Variants in CEP128 observed in about 807,000 individuals in gnomAD.
CEP128 encodes the protein centrosomal protein 128, also known as centrosomal protein 128kDa.
Under a neutral mutation model 156.7 loss-of-function variants are expected in CEP128, and 132 were observed. The ratio of observed to expected loss-of-function variants is 0.84; its 90% CI spans 0.73 to 0.97. The LOEUF (loss-of-function observed/expected upper bound fraction) is 0.97, where lower values mean the gene tolerates loss of function less well. Among genes scored for constraint, CEP128 ranks in the 50% least tolerant of loss-of-function variants. The pLI, the probability that CEP128 is intolerant of heterozygous loss-of-function variation, is 0.00. For missense variants in CEP128, 1,252 were observed against 1,281.9 expected (o/e 0.98, Z 0.36); for synonymous variants, 469 against 448.9 (o/e 1.04, Z -0.57).
At chr14:80,513,484 C>A (rs1003299746) in intron 23 of CEP128, among the ~76,000 whole-genome samples, 1 of 152,006 alleles carries the variant, frequency 6.6e-6, no homozygotes, top group Non-Finnish European at 1.5e-5. Flanking sequence ...ATAACCTTCC[C>A]GTACTTAAAT....
rs73340517 is a variant in CEP128, at chr14:80,741,930, T to C, written c.2806+1145A>G. 7.5e-3 allele frequency among the ~76,000 whole-genome samples: 1,141 copies of C among 152,298 alleles called. 15 individuals carry two copies. Among genetic ancestry groups the C allele is most frequent in the African/African-American group, 0.025 (1,047 of 41,576 alleles). Reference sequence around the variant, plus strand: ...ATCTTTCTTCCTCGTATTTTCCTTATGGAAATCTTGCTTTGTTTTTAAGAT... The same window carrying C: ...ATCTTTCTTCCTCGTATTTTCCTTACGGAAATCTTGCTTTGTTTTTAAGAT... On this transcript the variant is annotated intron_variant, in intron 19 of 24. Coordinates refer to ENST00000555265, the MANE Select transcript of CEP128 (RefSeq NM_152446.5).
chr14:80,853,067 T>C (rs1176789824), intron 9 of CEP128, among the ~76,000 whole-genome samples: 2 of 151,834 alleles, frequency 1.3e-5, no homozygotes, highest in African/African-American at 4.8e-5. Flanking sequence ...ATCTGATAAA[T>C]TTCACAACCC....
At chr14:80,525,155 T>C (rs1888920874) in intron 23 of CEP128, among the ~76,000 whole-genome samples, 1 of 152,226 alleles carries the variant, frequency 6.6e-6, no homozygotes, top group Admixed American at 6.5e-5. Context: ...AAGAGGCATG[T>C]ACTATGTTTA....
chr14:80,780,844 CA>C (rs1412506170), intron 15 of CEP128, among the ~76,000 whole-genome samples: 6 of 152,142 alleles, frequency 3.9e-5, no homozygotes, highest in African/African-American at 1.4e-4. Flanking sequence ...TAAGAGGATA[CA>C]AAATAGCTTA....
Position 80,666,001 on chromosome 14 carries a change from G to C in CEP128, c.2806+77074C>G, listed in dbSNP as rs142203114. Reference sequence around the variant, plus strand: ...AGAGAGAAGAGAAAATTACCTTTGAGGTATGAGTAATTCCAGGGCTTTTCC... The same window carrying C: ...AGAGAGAAGAGAAAATTACCTTTGACGTATGAGTAATTCCAGGGCTTTTCC... On this transcript the variant is annotated intron_variant, in intron 19 of 24. Coordinates refer to ENST00000555265, the MANE Select transcript of CEP128 (RefSeq NM_152446.5). Among the ~76,000 whole-genome samples, 969 of 152,234 alleles carry C rather than the reference G, an allele frequency of 6.4e-3. 9 individuals carry two copies. Among genetic ancestry groups the C allele is most frequent in the Non-Finnish European group, 9.6e-3 (654 of 68,008 alleles).
chr14:80,656,024 C>T (rs1019878352), intron 19 of CEP128, among the ~76,000 whole-genome samples: 2 of 151,614 alleles, frequency 1.3e-5, no homozygotes, highest in Non-Finnish European at 1.5e-5. Context: ...GTCAGCTTTA[C>T]TAAACATCCT....
At chr14:80,866,712 G>A (rs1306265292) in intron 8 of CEP128, among the ~76,000 whole-genome samples, 1 of 152,008 alleles carries the variant, frequency 6.6e-6, no homozygotes, top group Non-Finnish European at 1.5e-5. Flanking sequence ...AAGGCCATAA[G>A]GATCATAAAT....
chr14:80,811,647 TTGTGTGTGTATG>T (rs1566643499), intron 13 of CEP128, among the ~76,000 whole-genome samples: 2 of 150,290 alleles, frequency 1.3e-5, no homozygotes, highest in Admixed American at 1.3e-4. Flanking sequence ...GTTTGTGTGT[TTGTGTGTGTATG>T]TGTGTGTGTA....
chr14:80,637,895 A>G (rs1894254824), intron 19 of CEP128, among the ~76,000 whole-genome samples: 1 of 152,200 alleles, frequency 6.6e-6, no homozygotes, highest in Admixed American at 6.5e-5. Context: ...AAGTCAAGAA[A>G]TGCCAGCAGT....
At chr14:80,856,757 G>T (rs1222122150) in intron 9 of CEP128, among the ~76,000 whole-genome samples, 11 of 123,450 alleles carry the variant, frequency 8.9e-5, no homozygotes, top group Non-Finnish European at 1.4e-4. Context: ...TTGAGACAGG[G>T]TCTCAATCTG....
At position 80,701,944 on chromosome 14, in the gene CEP128, TAC is replaced by T. The variant is rs544461426; in HGVS notation, c.2806+41129_2806+41130del. On this transcript the variant is annotated intron_variant, in intron 19 of 24. Coordinates refer to ENST00000555265, the MANE Select transcript of CEP128 (RefSeq NM_152446.5). Reference sequence around the variant, plus strand: ...CTCTTCTCCAAGATGTGCACATGAATACATTCTGGTGCTCACATTCTTTCATT... The same window carrying T: ...CTCTTCTCCAAGATGTGCACATGAATATTCTGGTGCTCACATTCTTTCATT... Among the ~76,000 whole-genome samples the T allele has an allele frequency of 1.8e-3, 272 of 152,308 alleles. 2 individuals are homozygous for T. Among genetic ancestry groups the T allele is most frequent in the African/African-American group, 6.3e-3 (264 of 41,580 alleles).
intron 19 of CEP128, among the ~76,000 whole-genome samples, chr14:80,686,161 A>T (rs1896515262): frequency 6.6e-6 from 1 of 152,056 alleles, no homozygotes; most frequent in Non-Finnish European, 1.5e-5. Context: ...TTAAACAGAC[A>T]ATCTATAGAA....
At chr14:80,531,356 G>A (rs1486320735) in intron 21 of CEP128, among the ~76,000 whole-genome samples, 1 of 152,096 alleles carries the variant, frequency 6.6e-6, no homozygotes, top group Non-Finnish European at 1.5e-5. Context: ...CAGTTAAAAG[G>A]GAAAGAGGAG....
Position 80,916,577 on chromosome 14 carries a change from T to G in CEP128, c.-15-15A>C, listed in dbSNP as rs372855235. 2 of 1,589,532 alleles carry G rather than the reference T, an allele frequency of 1.3e-6. No individual in the cohort carries two copies. The highest frequency in any genetic ancestry group is 1.7e-6 in the Non-Finnish European group (2 of 1,163,974). On this transcript the variant is annotated splice_polypyrimidine_tract_variant and intron_variant, in intron 2 of 24. Transcript: ENST00000555265. ...GTACACAAATCCTTTTAAATAAATA[T>G]AGGTCAAAGTTAATGAAACAGTAAA...
intron 2 of CEP128, among the ~76,000 whole-genome samples, chr14:80,936,151 C>A (rs547633474): frequency 6.6e-6 from 1 of 152,320 alleles, no homozygotes; most frequent in Admixed American, 6.5e-5. Context: ...TGAGCACATT[C>A]GTTCACAAGC....
At chr14:80,596,054 A>G (rs1402101668) in intron 19 of CEP128, among the ~76,000 whole-genome samples, 7 of 43,214 alleles carry the variant, frequency 1.6e-4, no homozygotes, top group South Asian at 1.5e-3. Context: ...ATCAGCAGGG[A>G]AAAAAAAAAA....
intron 23 of CEP128, among the ~76,000 whole-genome samples, chr14:80,521,616 T>A (rs1326266452): frequency 6.6e-6 from 1 of 152,234 alleles, no homozygotes; most frequent in East Asian, 1.9e-4. Flanking sequence ...TATCTTCATA[T>A]TTCAGCATGA....
rs148074628 is a variant in CEP128, at chr14:80,611,695, A to G, written c.2807-31272T>C. Reference sequence around the variant, plus strand: ...TAAAAATTATAGCTTCACTCTAAGTATTCCCAAAGTTAAATGATAAAGAAT... The same window carrying G: ...TAAAAATTATAGCTTCACTCTAAGTGTTCCCAAAGTTAAATGATAAAGAAT... On this transcript the variant is annotated intron_variant, in intron 19 of 24. Coordinates refer to ENST00000555265, the MANE Select transcript of CEP128 (RefSeq NM_152446.5). 2.4e-3 allele frequency among the ~76,000 whole-genome samples: 364 copies of G among 152,344 alleles called. 1 individual carries two copies. Among genetic ancestry groups the G allele is most frequent in the African/African-American group, 8.0e-3 (333 of 41,590 alleles).
chr14:80,582,381 C>T (rs1164822017), intron 19 of CEP128, among the ~76,000 whole-genome samples: 2 of 152,062 alleles, frequency 1.3e-5, no homozygotes, highest in Admixed American at 1.3e-4. Context: ...ATAGAGATAA[C>T]TAATAGATGC....
Sources: gnomAD v4.1 joint callset for allele counts (sites outside exome capture counted in the v4.1 genomes callset) on GRCh38, gnomAD v4.1.1 for gene constraint, MANE v1.5 for transcripts, NCBI Gene and HGNC (gene_info 2026-07-23, HGNC 2026-07-21) for gene names.